CRIM1: variants seen among roughly 807,000 people sequenced by gnomAD.
The protein encoded by CRIM1 is cysteine rich transmembrane BMP regulator 1.
A neutral mutation model predicts 116.4 loss-of-function variants in CRIM1; 32 were observed. The observed-to-expected ratio is 0.27, with a 90% CI of 0.21 to 0.37. CRIM1 has a LOEUF of 0.37. CRIM1 is among the 10% of genes least tolerant of loss of function. The probability of loss-of-function intolerance (pLI) is 1.00; values close to 1 mark genes in which losing one functional copy is unlikely to be tolerated. For missense variants in CRIM1, 1,331 were observed against 1,354.8 expected (o/e 0.98, Z 0.28); for synonymous variants, 590 against 509.2 (o/e 1.16, Z -2.13).
intron 1 of CRIM1, among the ~76,000 whole-genome samples, chr2:36,379,744 T>TC (rs1177580743): frequency 5.3e-5 from 5 of 94,944 alleles, no homozygotes; most frequent in Non-Finnish European, 9.1e-5. Flanking sequence ...CTTTCTCTCT[T>TC]TTTTTTTTTT....
Position 36,498,538 on chromosome 2 carries a change from G to A in CRIM1, c.1373-681G>A, listed in dbSNP as rs1029578087. ...CCCAAAGCAATTCTTCATTAATATGGTAAAGCGTCACCTCTGGTCTTGCTT... is the reference window on the plus strand; with the variant it reads ...CCCAAAGCAATTCTTCATTAATATGATAAAGCGTCACCTCTGGTCTTGCTT... On this transcript the variant is annotated intron_variant, in intron 7 of 16. Coordinates refer to ENST00000280527, the MANE Select transcript of CRIM1 (RefSeq NM_016441.3). Among the ~76,000 whole-genome samples the A allele has an allele frequency of 2.6e-5, 4 of 152,146 alleles. No individual in the cohort carries two copies. In the East Asian group the frequency reaches 7.7e-4, roughly 29 times the overall value.
chr2:36,366,626 C>A (rs1169424325), intron 1 of CRIM1, among the ~76,000 whole-genome samples: 1 of 151,948 alleles, frequency 6.6e-6, no homozygotes, highest in Non-Finnish European at 1.5e-5. Context: ...AAACAAAAAC[C>A]ATAAACAAAC....
chr2:36,476,811 G>T, intron 5 of CRIM1, 78 bp from the exon 6 acceptor site: 1 of 1,202,898 alleles, frequency 8.3e-7, no homozygotes. Flanking sequence ...AAATTTTCTA[G>T]AGGCTGTTTG....
intron 5 of CRIM1, among the ~76,000 whole-genome samples, chr2:36,469,631 G>T (rs917017483): frequency 2.8e-4 from 42 of 151,866 alleles, no homozygotes; most frequent in African/African-American, 1.0e-3. Flanking sequence ...ATTCAGACCT[G>T]CAGGCTGTTA....
chr2:36,357,822 A>G (rs1362372227), intron 1 of CRIM1, among the ~76,000 whole-genome samples: 1 of 152,194 alleles, frequency 6.6e-6, no homozygotes, highest in East Asian at 1.9e-4. Context: ...AGCACCGTCC[A>G]GGGAACGGTT....
chr2:36,470,263 G>A (rs933960381), intron 5 of CRIM1, among the ~76,000 whole-genome samples: 6 of 152,180 alleles, frequency 3.9e-5, no homozygotes, highest in Non-Finnish European at 8.8e-5. Context: ...TTGGTGGAGG[G>A]ATGGGACAAG....
intron 2 of CRIM1, among the ~76,000 whole-genome samples, chr2:36,421,912 A>T (rs1674097155): frequency 6.6e-6 from 1 of 152,082 alleles, no homozygotes; most frequent in African/African-American, 2.4e-5. Context: ...AGTTGGATTT[A>T]ATTTTGGGAA....
At chr2:36,520,828 C>T (rs1486804581) in intron 12 of CRIM1, among the ~76,000 whole-genome samples, 1 of 152,198 alleles carries the variant, frequency 6.6e-6, no homozygotes, top group East Asian at 1.9e-4. Context: ...GCATGTAGAG[C>T]TTCTGGATCA....
intron 2 of CRIM1, among the ~76,000 whole-genome samples, chr2:36,416,519 A>G (rs750590659): frequency 6.6e-6 from 1 of 152,180 alleles, no homozygotes; most frequent in Admixed American, 6.5e-5. Flanking sequence ...AGAAAACAAG[A>G]TGTAACTCCT....
At chr2:36,429,983 G>T (rs1176979954) in intron 2 of CRIM1, among the ~76,000 whole-genome samples, 3 of 152,166 alleles carry the variant, frequency 2.0e-5, no homozygotes, top group Non-Finnish European at 4.4e-5. Context: ...ATAAGCCGGG[G>T]TTCTCATGAT....
intron 16 of CRIM1, 134 bp downstream of exon 16, chr2:36,547,305 A>G: frequency 1.5e-6 from 1 of 679,150 alleles, no homozygotes; most frequent in Non-Finnish European, 2.6e-6. Context: ...AATCCATACC[A>G]GGCTATAGTA....
intron 8 of CRIM1, among the ~76,000 whole-genome samples, chr2:36,506,181 T>TCACA (rs3076519): frequency 3.4e-4 from 41 of 120,960 alleles, no homozygotes; most frequent in Admixed American, 7.8e-4. Context: ...TCTCTCTCTC[T>TCACA]CACACACACA....
rs563218946 is a variant in CRIM1, at chr2:36,356,583, T to C, written c.291T>C (p.Asn97=). 8.1e-6 allele frequency: 13 copies of C among 1,611,878 alleles called. No homozygotes were observed. The highest frequency in any genetic ancestry group is 3.3e-5 in the Admixed American group (2 of 59,988). Residue 97 remains asparagine, a synonymous_variant, in exon 1 of 17, where the codon AAT becomes AAC. Transcript: ENST00000280527. This position sits in a 1 kb window ranked among gnomAD's most constrained non-coding sequence, Gnocchi z 4.3. ...GTTGTGTCATCCGCCCCCCGCTCAA[T>C]GGCGACTCCCTCACCGAGTACGAAG... ...GLRCVIRPPL[N]GDSLTEYEAG...
chr2:36,391,014 T>G (rs1019562183), intron 1 of CRIM1, among the ~76,000 whole-genome samples: 2 of 151,990 alleles, frequency 1.3e-5, no homozygotes, highest in African/African-American at 4.8e-5. Context: ...TTCGTCATGT[T>G]GCCCAGGCTG....
In CRIM1 at chr2:36,464,614, G is replaced by A; in HGVS notation, c.950G>A (p.Gly317Glu). ...CCCCGCATAGTCTCTCGTGGCGATG[G>A]GACACCTGGAAAGTGCTGTGATGTC... Reference protein sequence around the residue: ...STPRIVSRGDGTPGKCCDVFE... With the variant: ...STPRIVSRGDETPGKCCDVFE... The change falls in exon 5 of 17, where the codon GGG (glycine) becomes GAG (glutamate). Residue 317 changes from glycine (G) to glutamate (E), a missense_variant. Physicochemically the swap from Gly to Glu is moderately conservative, Grantham distance 98. Transcript: ENST00000280527. 1.2e-6 allele frequency: 2 copies of A among 1,614,130 alleles called. No homozygotes were observed. The highest frequency in any genetic ancestry group is 1.7e-6 in the Non-Finnish European group (2 of 1,180,016).
At chr2:36,431,439 T>A (rs1674883356) in intron 2 of CRIM1, among the ~76,000 whole-genome samples, 1 of 152,160 alleles carries the variant, frequency 6.6e-6, no homozygotes, top group South Asian at 2.1e-4. Flanking sequence ...AAAGTCACTT[T>A]CAGAAATCTC....
At chr2:36,377,250 C>G (rs973225391) in intron 1 of CRIM1, among the ~76,000 whole-genome samples, 6 of 152,246 alleles carry the variant, frequency 3.9e-5, no homozygotes, top group Non-Finnish European at 7.3e-5. Flanking sequence ...GAGGATTAGT[C>G]ACCCCAGTCT....
chr2:36,418,254 C>T (rs988283023), intron 2 of CRIM1, among the ~76,000 whole-genome samples: 4 of 152,276 alleles, frequency 2.6e-5, no homozygotes, highest in Admixed American at 6.5e-5. Context: ...CCAGGTAACA[C>T]GACAGACTCT....
intron 8 of CRIM1, 105 bp from the exon 9 acceptor site, chr2:36,509,878 T>C (rs1681694263): frequency 6.1e-6 from 6 of 989,308 alleles, no homozygotes; most frequent in Middle Eastern, 2.4e-4. Flanking sequence ...AGCTGAGAAA[T>C]TGAGATCTGT....
Sources: gnomAD v4.1 joint callset for allele counts (sites outside exome capture counted in the v4.1 genomes callset) on GRCh38, gnomAD v4.1.1 for gene constraint, Gnocchi (gnomAD v3.1) non-coding constraint, MANE v1.5 for transcripts, NCBI Gene and HGNC (gene_info 2026-07-23, HGNC 2026-07-21) for gene names.